Variants in VTI1A observed in about 807,000 individuals in gnomAD.
The protein encoded by VTI1A is vesicle transport through interaction with t-SNAREs homolog 1A.
VTI1A carries 22 observed loss-of-function variants against 34.9 expected under a neutral mutation model. That is an observed-to-expected ratio of 0.63 (90% CI 0.45 to 0.90). The LOEUF is 0.90. Among genes scored for constraint, VTI1A ranks in the 40% least tolerant of loss-of-function variants. The pLI is 0.00. For synonymous variants in VTI1A, 87 were observed against 97.3 expected (o/e 0.89, Z 0.62); for missense variants, 268 against 275.6 (o/e 0.97, Z 0.20).
At chr10:112,815,139 GCA>G (rs71489986) in intron 7 of VTI1A, 149 bp from the exon 8 acceptor site, 4,088 of 179,978 alleles carry the variant, frequency 0.023, 4 homozygotes, top group South Asian at 0.05. Context: ...TTTCGCGCGC[GCA>G]CACACACACA....
chr10:112,813,666 T>C lies in VTI1A; in HGVS notation c.561-1624T>C, dbSNP rs575172426. 2.6e-4 allele frequency among the ~76,000 whole-genome samples: 40 copies of C among 152,328 alleles called. 1 individual carries two copies. The Middle Eastern group carries it at 0.014, about 52-fold the overall frequency. Reference sequence around the variant, plus strand: ...CACTATCATAAGCCATGAAGTCCTGTTTTTATTTATTTATTTGGGGGACAG... The same window carrying C: ...CACTATCATAAGCCATGAAGTCCTGCTTTTATTTATTTATTTGGGGGACAG... On this transcript the variant is annotated intron_variant, in intron 7 of 7. Coordinates refer to ENST00000393077, the MANE Select transcript of VTI1A (RefSeq NM_145206.4).
chr10:112,815,860 G>C lies in VTI1A; in HGVS notation c.*477G>C. 1 of 241,544 alleles carries C rather than the reference G, an allele frequency of 4.1e-6. No homozygotes were observed. Among genetic ancestry groups the C allele is most frequent in the Non-Finnish European group, 8.1e-6 (1 of 123,152 alleles). The allele number at this position is 241,544 out of a possible 1,614,324, so 15.0% of individuals were successfully genotyped here. Reference sequence around the variant, plus strand: ...TGACCCCGTCCAGCAAGCCAGCCCTGTTCCTACACAGGCCTCATGAATATA... The same window carrying C: ...TGACCCCGTCCAGCAAGCCAGCCCTCTTCCTACACAGGCCTCATGAATATA... On this transcript the variant is annotated 3_prime_UTR_variant, in exon 8 of 8. Coordinates refer to ENST00000393077, the MANE Select transcript of VTI1A (RefSeq NM_145206.4).
intron 3 of VTI1A, 72 bp downstream of exon 3, chr10:112,464,729 A>G: frequency 7.5e-7 from 1 of 1,325,152 alleles, no homozygotes; most frequent in East Asian, 2.5e-5. Flanking sequence ...CTCAGTCAGC[A>G]TTAAATGCAC....
At chr10:112,453,909 A>T (rs576638252) in intron 1 of VTI1A, among the ~76,000 whole-genome samples, 4 of 152,322 alleles carry the variant, frequency 2.6e-5, no homozygotes, top group Admixed American at 1.3e-4. Context: ...TGTATATACT[A>T]AGCCATGTAT....
rs1843688705 is a variant in VTI1A at position 112,575,941 on chromosome 10, C to T, written c.427+37611C>T. ...ATTGTGTAGAAAAGTTTAAACCTCT[C>T]GTGAATTTTTCTTTGTTTGTTCATT... On this transcript the variant is annotated intron_variant, in intron 5 of 7. Coordinates refer to ENST00000393077, the MANE Select transcript of VTI1A (RefSeq NM_145206.4). 2.6e-5 allele frequency among the ~76,000 whole-genome samples: 4 copies of T among 151,664 alleles called. No homozygotes were observed. In the South Asian group the frequency reaches 6.2e-4, roughly 24 times the overall value.
At chr10:112,602,238 A>G (rs1195561447) in intron 5 of VTI1A, among the ~76,000 whole-genome samples, 1 of 152,180 alleles carries the variant, frequency 6.6e-6, no homozygotes, top group East Asian at 1.9e-4. Context: ...TCACCCTTTG[A>G]CCTCAACCTT....
chr10:112,486,645 C>CAGAATATACAGTTGTATATTCTTA (rs11272417), intron 3 of VTI1A, among the ~76,000 whole-genome samples: 62,570 of 139,774 alleles, frequency 0.45, 15,415 homozygotes, highest in Non-Finnish European at 0.54. Context: ...AATAATATCA[C>CAGAATATACAGTTGTATATTCTTA]AGAATATACA....
intron 5 of VTI1A, among the ~76,000 whole-genome samples, chr10:112,584,050 A>G (rs1277466320): frequency 6.6e-6 from 1 of 152,206 alleles, no homozygotes; most frequent in Non-Finnish European, 1.5e-5. Flanking sequence ...TCTAATTGGC[A>G]TAGGGGCAAA....
chr10:112,814,210 T>A lies in VTI1A; in HGVS notation c.561-1080T>A, dbSNP rs546617844. 1.0e-3 allele frequency among the ~76,000 whole-genome samples: 157 copies of A among 152,216 alleles called. 1 individual carries two copies. Among genetic ancestry groups the A allele is most frequent in the Admixed American group, 1.6e-3 (24 of 15,290 alleles). On this transcript the variant is annotated intron_variant, in intron 7 of 7. Coordinates refer to ENST00000393077, the MANE Select transcript of VTI1A (RefSeq NM_145206.4). ...GGGAGCCCAGCTTCATCTCCCCAGC[T>A]CCTCCCCATGGAAGACCCATGTCCA...
chr10:112,701,736 G>A (rs1459611033), intron 7 of VTI1A, among the ~76,000 whole-genome samples: 3 of 152,184 alleles, frequency 2.0e-5, no homozygotes, highest in South Asian at 4.1e-4. Flanking sequence ...AGTCCTAGGG[G>A]AATGTTGGTA....
At chr10:112,465,352 CTGAGTA>C (rs1847861120) in intron 3 of VTI1A, among the ~76,000 whole-genome samples, 1 of 152,126 alleles carries the variant, frequency 6.6e-6, no homozygotes, top group Non-Finnish European at 1.5e-5. Context: ...AATTCCACTC[CTGAGTA>C]TATGTCCAAA....
the VTI1A span, among the ~76,000 whole-genome samples, chr10:112,855,185 T>C: frequency 2.5e-4 from 38 of 152,146 alleles, no homozygotes; most frequent in Non-Finnish European, 4.9e-4. Context: ...GAACTTCCTA[T>C]TTTGTCACTC....
At chr10:112,598,071 T>A (rs1844735632) in intron 5 of VTI1A, among the ~76,000 whole-genome samples, 2 of 152,166 alleles carry the variant, frequency 1.3e-5, no homozygotes, top group African/African-American at 4.8e-5. Context: ...TAGAAAGTAC[T>A]GAGCATGAGG....
At chr10:112,713,387 G>T (rs532882214) in intron 7 of VTI1A, among the ~76,000 whole-genome samples, 14 of 152,180 alleles carry the variant, frequency 9.2e-5, no homozygotes, top group East Asian at 7.7e-4. Flanking sequence ...TATTTTAAGG[G>T]TACTTAAATG....
chr10:112,703,674 G>A (rs944389261), intron 7 of VTI1A, among the ~76,000 whole-genome samples: 1 of 152,000 alleles, frequency 6.6e-6, no homozygotes, highest in Non-Finnish European at 1.5e-5. Context: ...GCAAAACATA[G>A]GAAAATGAAA....
chr10:112,635,151 G>T (rs895491329), intron 5 of VTI1A, among the ~76,000 whole-genome samples: 1 of 152,144 alleles, frequency 6.6e-6, no homozygotes, highest in Non-Finnish European at 1.5e-5. Context: ...CTCATTATTT[G>T]GGGGGAATAA....
intron 5 of VTI1A, among the ~76,000 whole-genome samples, chr10:112,640,636 G>A (rs1846534538): frequency 6.6e-6 from 1 of 152,168 alleles, no homozygotes; most frequent in Admixed American, 6.5e-5. Flanking sequence ...AGTAATTTAT[G>A]TGCCTTTATT....
intron 4 of VTI1A, among the ~76,000 whole-genome samples, chr10:112,536,793 G>A (rs1046113053): frequency 1.3e-5 from 2 of 150,246 alleles, no homozygotes; most frequent in Non-Finnish European, 2.9e-5. Flanking sequence ...CTTTGATGTG[G>A]CTTTAGCTGC....
At chr10:112,473,907 T>G (rs1426229797) in intron 3 of VTI1A, among the ~76,000 whole-genome samples, 4 of 152,232 alleles carry the variant, frequency 2.6e-5, no homozygotes, top group African/African-American at 9.6e-5. Context: ...TTCCTTTTTC[T>G]AAGATACTCT....
Sources: gnomAD v4.1 joint callset for allele counts (sites outside exome capture counted in the v4.1 genomes callset) on GRCh38, gnomAD v4.1.1 for gene constraint, MANE v1.5 for transcripts, NCBI Gene and HGNC (gene_info 2026-07-23, HGNC 2026-07-21) for gene names.